The following CDC42SE2 variants were observed in gnomAD, a reference collection of about 807,000 sequenced individuals.
CDC42SE2 encodes CDC42 small effector protein 2.
CDC42SE2 carries 3 observed loss-of-function variants against 11.5 expected under a neutral mutation model. That is an observed-to-expected ratio of 0.26 (90% CI 0.12 to 0.67). The LOEUF (loss-of-function observed/expected upper bound fraction) is 0.67, where lower values mean the gene tolerates loss of function less well. CDC42SE2 is among the 30% of genes least tolerant of loss of function. The pLI is 0.80. For missense variants in CDC42SE2, 82 were observed against 106.8 expected, an observed-to-expected ratio of 0.77 and a Z score of 1.02; for synonymous variants, 33 against 34.8, an observed-to-expected ratio of 0.95 and a Z score of 0.18.
intron 2 of CDC42SE2, among the ~76,000 whole-genome samples, chr5:131,355,347 T>C (rs539209218): frequency 5.2e-4 from 79 of 152,168 alleles, no homozygotes; most frequent in African/African-American, 1.8e-3. Flanking sequence ...TGTGGTGGCA[T>C]GTACCTGTAG....
chr5:131,387,167 T>C (rs1271506405), intron 4 of CDC42SE2, among the ~76,000 whole-genome samples: 1 of 152,170 alleles, frequency 6.6e-6, no homozygotes, highest in Non-Finnish European at 1.5e-5. Flanking sequence ...ATAAAGAGAA[T>C]GGGTAGTTTC....
intron 1 of CDC42SE2, among the ~76,000 whole-genome samples, chr5:131,300,862 C>G (rs1470297900): frequency 6.6e-6 from 1 of 151,844 alleles, no homozygotes; most frequent in Non-Finnish European, 1.5e-5. Flanking sequence ...AATGGTCATT[C>G]TAGTTATAAT....
At chr5:131,291,399 A>G (rs990203618) in intron 1 of CDC42SE2, among the ~76,000 whole-genome samples, 9 of 152,154 alleles carry the variant, frequency 5.9e-5, no homozygotes, top group Non-Finnish European at 1.0e-4. Context: ...TTGCTTTAGA[A>G]GCTCACCAGT....
intron 2 of CDC42SE2, among the ~76,000 whole-genome samples, chr5:131,343,187 A>G (rs1758754855): frequency 1.3e-5 from 2 of 152,038 alleles, no homozygotes; most frequent in African/African-American, 4.8e-5. Flanking sequence ...ATGGGAGGAA[A>G]AAGACAGTAT....
chr5:131,242,686 C>T (rs909528852), upstream of CDC42SE2, among the ~76,000 whole-genome samples: 6 of 152,112 alleles, frequency 3.9e-5, no homozygotes, highest in Non-Finnish European at 4.4e-5. Context: ...CATTTTTTAA[C>T]GTAACCAAAA....
At chr5:131,379,853 C>A (rs1246695154) in intron 3 of CDC42SE2, among the ~76,000 whole-genome samples, 3 of 152,142 alleles carry the variant, frequency 2.0e-5, no homozygotes, top group Non-Finnish European at 4.4e-5. Context: ...GCAGAGTGCA[C>A]CATTTCCTGT....
intron 2 of CDC42SE2, among the ~76,000 whole-genome samples, chr5:131,346,794 A>G (rs1294795297): frequency 6.6e-6 from 1 of 152,222 alleles, no homozygotes; most frequent in Non-Finnish European, 1.5e-5. Flanking sequence ...AGAAATTATA[A>G]CAAACTGTCT....
the CDC42SE2 span, among the ~76,000 whole-genome samples, chr5:131,228,535 G>A: frequency 0.032 from 4,883 of 152,260 alleles, 124 homozygotes; most frequent in Non-Finnish European, 0.05. Flanking sequence ...TCTGTTCCCT[G>A]CAATAAAAGA....
At chr5:131,372,712 CAA>C (rs558877464) in intron 3 of CDC42SE2, among the ~76,000 whole-genome samples, 6 of 113,294 alleles carry the variant, frequency 5.3e-5, no homozygotes, top group Admixed American at 9.2e-5. Flanking sequence ...AACTCTGTCT[CAA>C]AAAAAAAAAA....
the CDC42SE2 span, among the ~76,000 whole-genome samples, chr5:131,213,234 TAGAG>T: frequency 0.017 from 2,584 of 152,042 alleles, 79 homozygotes; most frequent in African/African-American, 0.059. Flanking sequence ...TTCATAAAGA[TAGAG>T]AGAGAGGGAA....
chr5:131,370,272 A>T (rs1749979900), intron 3 of CDC42SE2, among the ~76,000 whole-genome samples: 1 of 152,196 alleles, frequency 6.6e-6, no homozygotes, highest in South Asian at 2.1e-4. Context: ...CAGCGAAAAA[A>T]TTTATGAACA....
At chr5:131,339,999 A>G (rs1052164617) in intron 2 of CDC42SE2, among the ~76,000 whole-genome samples, 2 of 152,182 alleles carry the variant, frequency 1.3e-5, no homozygotes, top group Admixed American at 1.3e-4. Flanking sequence ...CCTATCACAA[A>G]AAAAGAATTT....
the CDC42SE2 span, among the ~76,000 whole-genome samples, chr5:131,228,929 T>G: frequency 6.6e-6 from 1 of 152,222 alleles, no homozygotes; most frequent in African/African-American, 2.4e-5. Flanking sequence ...GACTTCTAGC[T>G]TCTAGAACTC....
intron 2 of CDC42SE2, among the ~76,000 whole-genome samples, chr5:131,336,641 C>T (rs1758570315): frequency 1.3e-5 from 2 of 152,176 alleles, no homozygotes; most frequent in South Asian, 2.1e-4. Flanking sequence ...TTCACATAGT[C>T]CCATATTTCT....
chr5:131,304,481 C>A (rs917782633), intron 1 of CDC42SE2, among the ~76,000 whole-genome samples: 8 of 152,068 alleles, frequency 5.3e-5, no homozygotes, highest in African/African-American at 1.7e-4. Flanking sequence ...AATATGAAGT[C>A]CATTTTAGTA....
chr5:131,281,778 C>T (rs539290272), intron 1 of CDC42SE2, among the ~76,000 whole-genome samples: 75 of 152,134 alleles, frequency 4.9e-4, no homozygotes, highest in Admixed American at 8.5e-4. Context: ...TTAGACACAC[C>T]TCGATTTGAT....
the CDC42SE2 span, among the ~76,000 whole-genome samples, chr5:131,217,205 T>C: frequency 2.6e-5 from 4 of 152,246 alleles, no homozygotes; most frequent in Non-Finnish European, 4.4e-5. Context: ...TGTCTATGGC[T>C]ACTTTCTTTG....
intron 2 of CDC42SE2, among the ~76,000 whole-genome samples, chr5:131,348,743 A>T (rs910885927): frequency 4.1e-5 from 6 of 147,040 alleles, no homozygotes; most frequent in African/African-American, 1.5e-4. Context: ...TTCAAACTAT[A>T]CTACAAGGCT....
At chr5:131,240,289 G>A in the CDC42SE2 span, among the ~76,000 whole-genome samples, 9 of 151,968 alleles carry the variant, frequency 5.9e-5, no homozygotes, top group Non-Finnish European at 8.8e-5. Context: ...AGCAGTATTG[G>A]GTTTCTCTCC....
Sources: gnomAD v4.1 joint callset for allele counts (sites outside exome capture counted in the v4.1 genomes callset) on GRCh38, gnomAD v4.1.1 for gene constraint, MANE v1.5 for transcripts, NCBI Gene and HGNC (gene_info 2026-07-23, HGNC 2026-07-21) for gene names.